The following PRKG1 variants were observed in gnomAD, a reference collection of about 807,000 sequenced individuals.
The protein encoded by PRKG1 is protein kinase cGMP-dependent 1.
A neutral mutation model predicts 88.1 loss-of-function variants in PRKG1; 35 were observed. The observed-to-expected ratio is 0.40, with a 90% CI of 0.30 to 0.53. The LOEUF (loss-of-function observed/expected upper bound fraction) is 0.53, where lower values mean the gene tolerates loss of function less well. Ranked by LOEUF, PRKG1 falls within the 20% of genes least tolerant of loss-of-function variation. The pLI is 0.59. For synonymous variants in PRKG1, 303 were observed against 292.5 expected, an observed-to-expected ratio of 1.04 and a Z score of -0.37; for missense variants, 540 against 839.8, an observed-to-expected ratio of 0.64 and a Z score of 4.41.
At position 52,297,175 on chromosome 10, in the gene PRKG1, T is replaced by A. The variant is rs1842401747; in HGVS notation, c.*3275T>A. ...TGTGATATTTTGTGGTACATATAACTTTTTTTAGTGTTTCACAGCATTATT... is the reference window on the plus strand; with the variant it reads ...TGTGATATTTTGTGGTACATATAACATTTTTTAGTGTTTCACAGCATTATT... On this transcript the variant is annotated 3_prime_UTR_variant, in exon 18 of 18. Coordinates refer to ENST00000373980, the MANE Select transcript of PRKG1 (RefSeq NM_006258.4). The A allele has an allele frequency of 6.6e-6, 1 of 152,104 alleles. No homozygotes were observed. Among genetic ancestry groups the A allele is most frequent in the African/African-American group, 2.4e-5 (1 of 41,420 alleles). 9.4% of individuals were successfully genotyped at this position (152,104 alleles called of 1,614,324 possible).
At chr10:51,259,010 T>C (rs907944527) in intron 2 of PRKG1, among the ~76,000 whole-genome samples, 2 of 152,220 alleles carry the variant, frequency 1.3e-5, no homozygotes, top group African/African-American at 4.8e-5. Flanking sequence ...TGCATTTTGG[T>C]TTGGTTCCAC....
chr10:51,779,292 G>A (rs1838522706), intron 3 of PRKG1, among the ~76,000 whole-genome samples: 1 of 152,016 alleles, frequency 6.6e-6, no homozygotes, highest in African/African-American at 2.4e-5. Flanking sequence ...TGTCTTTCCT[G>A]TCCTTTGTCT....
intron 1 of PRKG1, among the ~76,000 whole-genome samples, chr10:51,008,076 A>G (rs1453062984): frequency 6.6e-6 from 1 of 152,186 alleles, no homozygotes; most frequent in Non-Finnish European, 1.5e-5. Context: ...CAGCAGGAAC[A>G]TAGGGGAAAA....
At chr10:51,668,867 C>A (rs912541840) in intron 3 of PRKG1, among the ~76,000 whole-genome samples, 1 of 152,086 alleles carries the variant, frequency 6.6e-6, no homozygotes, top group African/African-American at 2.4e-5. Flanking sequence ...GTATTTATTT[C>A]TTTAAATTTT....
chr10:51,606,856 C>T (rs1027015756), intron 3 of PRKG1, among the ~76,000 whole-genome samples: 1 of 152,126 alleles, frequency 6.6e-6, no homozygotes, highest in African/African-American at 2.4e-5. Flanking sequence ...GTGGTTGTGA[C>T]TAAAACATAG....
At chr10:52,276,074 G>A (rs1246133781) in intron 12 of PRKG1, among the ~76,000 whole-genome samples, 1 of 152,050 alleles carries the variant, frequency 6.6e-6, no homozygotes, top group African/African-American at 2.4e-5. Context: ...TCAGTTCTAG[G>A]AGCTTCCTGG....
intron 4 of PRKG1, among the ~76,000 whole-genome samples, chr10:51,858,806 G>T (rs1301651695): frequency 6.6e-6 from 1 of 151,786 alleles, no homozygotes. Flanking sequence ...ACCTGCTCTG[G>T]GCTACAGGCT....
At chr10:51,986,021 T>C (rs1482507204) in intron 5 of PRKG1, among the ~76,000 whole-genome samples, 2 of 152,140 alleles carry the variant, frequency 1.3e-5, no homozygotes, top group African/African-American at 4.8e-5. Context: ...CACTATAGGG[T>C]ATTTGTCATT....
At chr10:51,009,354 T>A (rs1369916188) in intron 1 of PRKG1, among the ~76,000 whole-genome samples, 1 of 152,202 alleles carries the variant, frequency 6.6e-6, no homozygotes, top group African/African-American at 2.4e-5. Flanking sequence ...GATAAACTAT[T>A]TTTAAGTTAA....
chr10:51,133,258 G>A (rs920390521), intron 1 of PRKG1, among the ~76,000 whole-genome samples: 3 of 152,166 alleles, frequency 2.0e-5, no homozygotes, highest in Admixed American at 1.3e-4. Flanking sequence ...CATGCCAATT[G>A]TAGCAGCTAG....
intron 3 of PRKG1, among the ~76,000 whole-genome samples, chr10:51,544,460 G>A (rs1487475566): frequency 6.6e-6 from 1 of 151,938 alleles, no homozygotes; most frequent in Non-Finnish European, 1.5e-5. Context: ...TATCATTGAT[G>A]GACATTTGGG....
chr10:51,897,867 A>ATTT (rs58531093), intron 4 of PRKG1, among the ~76,000 whole-genome samples: 3,512 of 149,422 alleles, frequency 0.024, 143 homozygotes, highest in African/African-American at 0.082. Flanking sequence ...TGGCAGAAGG[A>ATTT]TTTTTTTTTT....
At chr10:51,103,216 A>G (rs1844730718) in intron 1 of PRKG1, among the ~76,000 whole-genome samples, 1 of 152,290 alleles carries the variant, frequency 6.6e-6, no homozygotes, top group Admixed American at 6.5e-5. Context: ...GGGGGTCATT[A>G]AAGAAAAATC....
intron 5 of PRKG1, among the ~76,000 whole-genome samples, chr10:52,053,006 T>C (rs561577214): frequency 5.3e-5 from 8 of 152,314 alleles, no homozygotes; most frequent in African/African-American, 1.9e-4. Flanking sequence ...TGTAAAATTC[T>C]TTCCATTTTA....
At chr10:51,282,891 C>CA (rs1840337574) in intron 2 of PRKG1, among the ~76,000 whole-genome samples, 1 of 151,884 alleles carries the variant, frequency 6.6e-6, no homozygotes, top group Non-Finnish European at 1.5e-5. Context: ...GGTACATGTG[C>CA]AGGTTTGTTA....
chr10:51,971,621 G>C (rs1692441591), intron 5 of PRKG1, among the ~76,000 whole-genome samples: 1 of 152,032 alleles, frequency 6.6e-6, no homozygotes, highest in Admixed American at 6.6e-5. Context: ...TCAGTCTACT[G>C]TTGATAAAAA....
intron 7 of PRKG1, among the ~76,000 whole-genome samples, chr10:52,122,157 A>G (rs920877853): frequency 1.3e-5 from 2 of 152,208 alleles, no homozygotes; most frequent in Non-Finnish European, 2.9e-5. Context: ...GTGGAAGGCA[A>G]AACATAGAAG....
At chr10:51,890,519 AT>A (rs1318957252) in intron 4 of PRKG1, among the ~76,000 whole-genome samples, 1 of 152,248 alleles carries the variant, frequency 6.6e-6, no homozygotes, top group Non-Finnish European at 1.5e-5. Context: ...TGTTATTAAA[AT>A]TGCCTGAAAA....
At chr10:51,356,567 C>T (rs753638597) in intron 2 of PRKG1, among the ~76,000 whole-genome samples, 5 of 151,992 alleles carry the variant, frequency 3.3e-5, no homozygotes, top group Non-Finnish European at 7.4e-5. Flanking sequence ...ATTCTGTCTC[C>T]CTCCCCTACT....
Sources: allele counts gnomAD v4.1 joint callset (sites outside exome capture counted in the v4.1 genomes callset), GRCh38; gene constraint gnomAD v4.1.1; transcripts MANE v1.5; gene names NCBI Gene and HGNC (gene_info 2026-07-23, HGNC 2026-07-21).